Variants in TTC14 observed in about 807,000 individuals in gnomAD.
The protein encoded by TTC14 is tetratricopeptide repeat protein 14.
TTC14 carries 63 observed loss-of-function variants against 79.9 expected under a neutral mutation model. The ratio of observed to expected loss-of-function variants is 0.79; its 90% confidence interval spans 0.64 to 0.97. TTC14 has a LOEUF of 0.97. Among genes scored for constraint, TTC14 ranks in the 50% least tolerant of loss-of-function variants. The pLI, the probability that TTC14 is intolerant of heterozygous loss-of-function variation, is 0.00. For missense variants in TTC14, 895 were observed against 894.0 expected (o/e 1.00, Z -0.01); for synonymous variants, 335 against 309.6 (o/e 1.08, Z -0.86).
At chr3:180,605,681 G>T in intron 6 of TTC14, 85 bp from the exon 7 acceptor site, 1 of 909,394 alleles carries the variant, frequency 1.1e-6, no homozygotes, top group Admixed American at 3.1e-5. Flanking sequence ...TACTTTCACT[G>T]TCGAGTGCCT....
At position 180,610,361 on chromosome 3, in the gene TTC14, A is replaced by T. The variant is rs1716932618; in HGVS notation, c.2132A>T (p.Glu711Val). 1.2e-6 allele frequency: 2 copies of T among 1,613,530 alleles called. No individual in the cohort carries two copies. The highest frequency in any genetic ancestry group is 1.7e-6 in the Non-Finnish European group (2 of 1,179,824). The change falls in exon 12 of 12, where the codon GAA (glutamate) becomes GTA (valine). Residue 711 changes from glutamate to valine, a missense_variant. Physicochemically the swap from Glu to Val is moderately radical, Grantham distance 121. Coordinates refer to ENST00000296015, the MANE Select transcript of TTC14 (RefSeq NM_133462.4). ...TACCGTTTAAATACAAATCAAGGAG[A>T]ATATGAAAGAGAGGACAATTATGGG... ...QRYRLNTNQG[E>V]YEREDNYGED...
Position 180,610,547 on chromosome 3 carries a change from C to T in TTC14, c.*5C>T, listed in dbSNP as rs201485773. 36 of 1,554,072 alleles carry T rather than the reference C, an allele frequency of 2.3e-5. 1 individual carries two copies. The highest frequency in any genetic ancestry group is 1.8e-4 in the Middle Eastern group (1 of 5,536). ...GGAAATAAGTCAAAAAATTAATACA[C>T]CAAGGATATCGGCACCATTACACAA... On this transcript the variant is annotated 3_prime_UTR_variant, in exon 12 of 12. Coordinates refer to ENST00000296015, the MANE Select transcript of TTC14 (RefSeq NM_133462.4).
chr3:180,609,158 A>G, intron 11 of TTC14: 2 of 679,050 alleles, frequency 2.9e-6, no homozygotes, highest in Non-Finnish European at 3.7e-6. Context: ...GACATTTTTG[A>G]TTGCCATAAC....
chr3:180,605,803 AG>A lies in TTC14; in HGVS notation c.896del (p.Arg299LysfsTer10), dbSNP rs1410133731. 1 of 1,571,248 alleles carries A rather than the reference AG, an allele frequency of 6.4e-7. No individual in the cohort carries two copies. Among genetic ancestry groups the A allele is most frequent in the Admixed American group, 2.2e-5 (1 of 45,510 alleles). ...TGAAGATGATTTTGCTTCTGCATTG[AG>A]AAAAAAACAATCCGCATCTTGGGCT... ...FSEDDFASAL[R>X]KKQSASWALK... On this transcript the variant is annotated frameshift_variant, in exon 7 of 12. Transcript: ENST00000296015. LOFTEE classifies it high-confidence loss of function.
Position 180,609,689 on chromosome 3 carries a change from C to T in TTC14, c.1460C>T (p.Ser487Leu). ...SSSSVSSADE[S>L]VSSSSSSSSS... ...TCAAGTGTTTCTTCTGCTGATGAATCAGTGTCTTCATCATCATCCTCTTCC... is the reference window on the plus strand; with the variant it reads ...TCAAGTGTTTCTTCTGCTGATGAATTAGTGTCTTCATCATCATCCTCTTCC... The change falls in exon 12 of 12, where the codon TCA becomes TTA. Residue 487 changes from serine to leucine, a missense_variant. Coordinates refer to ENST00000296015, the MANE Select transcript of TTC14 (RefSeq NM_133462.4). 2 of 1,601,812 alleles carry T rather than the reference C, an allele frequency of 1.2e-6. No individual in the cohort carries two copies. The highest frequency in any genetic ancestry group is 1.7e-6 in the Non-Finnish European group (2 of 1,176,818).
intron 12 of TTC14, chr3:180,616,842 T>C (rs1717264165): frequency 1.2e-6 from 2 of 1,610,396 alleles, no homozygotes; most frequent in Admixed American, 1.7e-5. Flanking sequence ...GGTCACTCTT[T>C]CTAATTTTGG....
At chr3:180,606,049 A>T in intron 7 of TTC14, 1 of 830,288 alleles carries the variant, frequency 1.2e-6, no homozygotes, top group Non-Finnish European at 1.8e-6. Flanking sequence ...AAAAGGAATT[A>T]GTATATTGAT....
In TTC14 at chr3:180,605,748, T is replaced by G. The variant is rs757529406; in HGVS notation, c.858-18T>G. 1.7e-5 allele frequency: 26 copies of G among 1,558,630 alleles called. No individual in the cohort carries two copies. The highest frequency in any genetic ancestry group is 2.8e-5 in the African/African-American group (2 of 70,442). On this transcript the variant is annotated intron_variant, in intron 6 of 11. Coordinates refer to ENST00000296015, the MANE Select transcript of TTC14 (RefSeq NM_133462.4). ...AATATTTGTGGTTTAACTTTTTAAT[T>G]TTTATTTTCTTTAATAGCAAAAATT...
rs1716953667 is a variant in TTC14, at chr3:180,610,651, A to G, written c.*109A>G. On this transcript the variant is annotated 3_prime_UTR_variant, in exon 12 of 12. Transcript: ENST00000296015. ...AATCTCTGCTTCTAAAATTATTTGT[A>G]GAGATTACAGGAAACAAATGCTTTT... is the stretch of plus-strand genomic sequence containing the variant. 6.8e-7 allele frequency: 1 copy of G among 1,467,582 alleles called. No individual in the cohort carries two copies. Among genetic ancestry groups the G allele is most frequent in the East Asian group, 2.3e-5 (1 of 42,632 alleles). The allele number at this position is 1,467,582 out of a possible 1,614,324, so 90.9% of individuals were successfully genotyped here.
chr3:180,609,277 T>G (rs1716859449), intron 11 of TTC14: 2 of 974,552 alleles, frequency 2.1e-6, no homozygotes, highest in Admixed American at 1.0e-4. Flanking sequence ...CAAGAATTAT[T>G]TGGCTGAAAA....
chr3:180,616,395 C>A (rs763570030), intron 12 of TTC14: 10 of 1,566,562 alleles, frequency 6.4e-6, no homozygotes, highest in Non-Finnish European at 8.7e-6. Flanking sequence ...ATCATTAGTA[C>A]TACCTACTGT....
downstream of TTC14, among the ~76,000 whole-genome samples, chr3:180,618,193 T>C (rs1316824784): frequency 6.6e-6 from 1 of 152,170 alleles, no homozygotes; most frequent in Non-Finnish European, 1.5e-5. Context: ...CGCCCAAGGA[T>C]GCATTCATCA....
chr3:180,617,589 T>C (rs1000004216), exon 13 of TTC14: 6 of 452,506 alleles, frequency 1.3e-5, no homozygotes, highest in Non-Finnish European at 2.0e-5. Context: ...TGTGTGTGTA[T>C]GTGTCTTAGT....
downstream of TTC14, chr3:180,611,185 G>T (rs1393665718): frequency 5.1e-6 from 5 of 984,706 alleles, no homozygotes; most frequent in East Asian, 5.7e-4. Context: ...AGTTGAATAG[G>T]AGCCCATTTT....
At position 180,603,028 on chromosome 3, in the gene TTC14, T is replaced by G; in HGVS notation, c.286+13T>G. ...GAAGACAGTGAAGGTCAGTTTAGCC[T>G]TAAAATCTTTAAGATTGCGGTTCGG... On this transcript the variant is annotated intron_variant, in intron 2 of 11. Transcript: ENST00000296015. 6.2e-7 allele frequency: 1 copy of G among 1,610,560 alleles called. No homozygotes were observed. The highest frequency in any genetic ancestry group is 1.3e-5 in the African/African-American group (1 of 74,710).
intron 10 of TTC14, 163 bp from the exon 11 acceptor site, chr3:180,608,538 G>T: frequency 8.0e-7 from 1 of 1,243,136 alleles, no homozygotes; most frequent in Non-Finnish European, 1.0e-6. Flanking sequence ...ACATCTGTAT[G>T]ACTAATTTTT....
rs113785546 is a variant in TTC14 at position 180,607,773 on chromosome 3, C to G, written c.1290+8C>G. On this transcript the variant is annotated splice_region_variant and intron_variant, in intron 10 of 11. Coordinates refer to ENST00000296015, the MANE Select transcript of TTC14 (RefSeq NM_133462.4). ...CTTCATAAATATATGCAGGTGATTC[C>G]TTATTTCCTCTTAGAAATTTAGTGA... is the stretch of plus-strand genomic sequence containing the variant. 2,511 of 1,598,420 alleles carry G rather than the reference C, an allele frequency of 1.6e-3. 4 individuals carry two copies. The highest frequency in any genetic ancestry group is 1.9e-3 in the Non-Finnish European group (2,262 of 1,175,864).
At chr3:180,608,920 A>C in intron 11 of TTC14, 110 bp downstream of exon 11, 1 of 1,260,144 alleles carries the variant, frequency 7.9e-7, no homozygotes, top group Non-Finnish European at 1.0e-6. Context: ...TCAAGTGCCA[A>C]TCAGTGACTG....
At chr3:180,607,567 C>T in intron 9 of TTC14, 81 bp from the exon 10 acceptor site, 1 of 1,444,026 alleles carries the variant, frequency 6.9e-7, no homozygotes, top group Non-Finnish European at 9.2e-7. Context: ...TAAGCTCTCT[C>T]ATATAAGCCT....
Sources: allele counts gnomAD v4.1 joint callset (sites outside exome capture counted in the v4.1 genomes callset), GRCh38; gene constraint gnomAD v4.1.1; transcripts MANE v1.5; gene names NCBI Gene and HGNC (gene_info 2026-07-23, HGNC 2026-07-21).